The following CNPY3 variants were observed in gnomAD, a reference collection of about 807,000 sequenced individuals.
The protein encoded by CNPY3 is canopy FGF signaling regulator 3, also known as protein canopy homolog 3.
In CNPY3, 20 loss-of-function variants were observed where a neutral mutation model predicts 32.0. That is an observed-to-expected ratio of 0.63 (90% CI 0.44 to 0.91). The LOEUF (loss-of-function observed/expected upper bound fraction) is 0.91. Ranked by LOEUF, CNPY3 falls within the 40% of genes least tolerant of loss-of-function variation. The probability of loss-of-function intolerance (pLI) is 0.00; values close to 1 mark genes in which losing one functional copy is unlikely to be tolerated. For synonymous variants in CNPY3, 138 were observed against 142.9 expected, an observed-to-expected ratio of 0.97 and a Z score of 0.24; for missense variants, 299 against 340.8, an observed-to-expected ratio of 0.88 and a Z score of 0.97.
At chr6:42,938,015 C>T (rs1393746985) in intron 4 of CNPY3, 75 bp from the exon 5 acceptor site, 16 of 1,483,306 alleles carry the variant, frequency 1.1e-5, no homozygotes, top group East Asian at 6.8e-5. Context: ...CAGTGGGTTG[C>T]GAGGCTTAGC....
chr6:42,928,439 T>C (rs1183474769), upstream of CNPY3, among the ~76,000 whole-genome samples: 1 of 152,008 alleles, frequency 6.6e-6, no homozygotes. Flanking sequence ...CCACGGCGCC[T>C]GGCCTTTTTC....
At chr6:42,928,112 C>A (rs746347610), upstream of CNPY3, among the ~76,000 whole-genome samples, 1 of 152,132 alleles carries the variant, frequency 6.6e-6, no homozygotes, top group African/African-American at 2.4e-5. Flanking sequence ...CTCCACCTCC[C>A]GAGTAGCTGG....
chr6:42,930,878 ATTCTT>A (rs1767748601), intron 1 of CNPY3, among the ~76,000 whole-genome samples: 2 of 151,432 alleles, frequency 1.3e-5, no homozygotes, highest in East Asian at 3.9e-4. Context: ...TCCCCCGTAC[ATTCTT>A]TTCTTTTTTT....
Position 42,938,687 on chromosome 6 carries a change from C to T in CNPY3, c.733C>T (p.Gln245Ter). The change falls in exon 6 of 6, where the codon CAA becomes TAA. Residue 245 changes from glutamine (Q) to a stop codon, truncating the protein, a stop_gained. Transcript: ENST00000372836. LOFTEE classifies it high-confidence loss of function. ...AGGCGGCAGGAGTAGCAGCAGCAAA[C>T]AAAGGAAGGAGCTGGGTGGCCTTGA... The part of the protein sequence containing the change: ...AAGGRSSSSK[Q>*]RKELGGLEGD... 1 of 1,613,878 alleles carries T rather than the reference C, an allele frequency of 6.2e-7. No homozygotes were observed. The highest frequency in any genetic ancestry group is 8.5e-7 in the Non-Finnish European group (1 of 1,179,902).
At position 42,929,644 on chromosome 6, in the gene CNPY3, T is replaced by A; in HGVS notation, c.74T>A (p.Leu25Gln). Residue 25 changes from leucine to glutamine, a missense_variant, in exon 1 of 6, where the codon CTG (leucine) becomes CAG (glutamine). Transcript: ENST00000372836. ...TTGCTGCTGCTGCTGCTGCTGCTGC[T>A]GCCGGCCCCGGAGCTGGGCCCGAGC... The part of the protein sequence containing the change: ...LPLLLLLLLL[L>Q]PAPELGPSQA... The A allele has an allele frequency of 6.4e-7, 1 of 1,553,896 alleles. No individual in the cohort carries two copies. The highest frequency in any genetic ancestry group is 8.7e-7 in the Non-Finnish European group (1 of 1,149,746).
rs1270464736 is a variant in CNPY3 at position 42,935,926 on chromosome 6, G to A, written c.372+256G>A. ...CAGGCAGAAATGCTCCACAGTTGCTGCCCCCGTGGGAACCTAAAGACACTA... is the reference window on the plus strand; with the variant it reads ...CAGGCAGAAATGCTCCACAGTTGCTACCCCCGTGGGAACCTAAAGACACTA... On this transcript the variant is annotated intron_variant, in intron 3 of 5. Coordinates refer to ENST00000372836, the MANE Select transcript of CNPY3 (RefSeq NM_006586.5). Among the ~76,000 whole-genome samples, 75 of 151,110 alleles carry A rather than the reference G, an allele frequency of 5.0e-4. 1 individual carries two copies. The highest frequency in any genetic ancestry group is 2.9e-5 in the Non-Finnish European group (2 of 68,010).
chr6:42,938,238 T>C, intron 5 of CNPY3, 31 bp downstream of exon 5: 1 of 1,537,856 alleles, frequency 6.5e-7, no homozygotes, highest in Admixed American at 1.7e-5. Context: ...GCAGGCTGGC[T>C]CTGGATGATT....
chr6:42,929,333 G>C, upstream of CNPY3: 3 of 548,818 alleles, frequency 5.5e-6, no homozygotes, highest in South Asian at 7.5e-5. Context: ...TAAAAAGATA[G>C]TCTTCCCATT....
Position 42,929,513 on chromosome 6 carries a change from G to A in CNPY3, c.-58G>A, listed in dbSNP as rs1767592585. The A allele has an allele frequency of 1.3e-6, 2 of 1,489,520 alleles. No homozygotes were observed. The highest frequency in any genetic ancestry group is 1.4e-5 in the African/African-American group (1 of 72,334). 92.3% of individuals were successfully genotyped at this position (1,489,520 alleles called of 1,614,324 possible). A position where few individuals can be genotyped will look rare whatever the true frequency, so the allele number is the denominator to read the frequency against. On this transcript the variant is annotated 5_prime_UTR_variant, in exon 1 of 6. Coordinates refer to ENST00000372836, the MANE Select transcript of CNPY3 (RefSeq NM_006586.5). ...GGAAGCGGCGAGGGGAAACTGCTCC[G>A]CGCGCGCCGCGGGAGGAGGAACCGC...
Position 42,934,492 on chromosome 6 carries a change from G to A in CNPY3, c.169G>A (p.Val57Met). The A allele has an allele frequency of 1.9e-6, 3 of 1,614,088 alleles. No individual in the cohort carries two copies. The highest frequency in any genetic ancestry group is 2.5e-6 in the Non-Finnish European group (3 of 1,179,986). The change falls in exon 2 of 6, where the codon GTG (valine) becomes ATG (methionine). Residue 57 changes from valine (V) to methionine (M), a missense_variant. By Grantham distance (21) the Val-to-Met change is conservative. This residue lies in a region of CNPY3 where 211 missense variants were observed against 278.3 expected (regional missense o/e 0.76). Transcript: ENST00000372836. ...TCCCCCAGTGTGTAAATATGTTGCT[G>A]TGGAGCTGAAGTCAGCCTTTGAGGA... ...SKCEVCKYVAVELKSAFEETG... is the reference protein window; with the variant it reads ...SKCEVCKYVAMELKSAFEETG...
chr6:42,937,118 T>C (rs908370377), intron 3 of CNPY3, among the ~76,000 whole-genome samples: 10 of 152,012 alleles, frequency 6.6e-5, no homozygotes, highest in African/African-American at 2.2e-4. Context: ...CTGGATGATA[T>C]GGGAGTGTTT....
At chr6:42,937,200 G>T (rs1344513065) in intron 3 of CNPY3, among the ~76,000 whole-genome samples, 1 of 152,140 alleles carries the variant, frequency 6.6e-6, no homozygotes, top group Non-Finnish European at 1.5e-5. Context: ...CAAAGGGCCT[G>T]AGGGCAGCCG....
intron 1 of CNPY3, among the ~76,000 whole-genome samples, chr6:42,930,112 GA>G (rs1767686516): frequency 6.6e-6 from 1 of 152,098 alleles, no homozygotes; most frequent in Non-Finnish European, 1.5e-5. Flanking sequence ...CGGATGAAGA[GA>G]AGTGGAAAGA....
intron 2 of CNPY3, 35 bp from the exon 3 acceptor site, chr6:42,935,539 G>A (rs1768156082): frequency 3.8e-6 from 6 of 1,593,720 alleles, no homozygotes; most frequent in Non-Finnish European, 5.2e-6. Context: ...GCGGCTAGGA[G>A]GGGAACTCAG....
upstream of CNPY3, chr6:42,929,210 T>C (rs76992623): frequency 2.1e-5 from 4 of 193,658 alleles, no homozygotes; most frequent in Admixed American, 1.8e-4. Context: ...GCAGGCTTCT[T>C]CTCGGGTCTT....
At position 42,938,759 on chromosome 6, in the gene CNPY3, C is replaced by T. The variant is rs1768408617; in HGVS notation, c.805C>T (p.Pro269Ser). Residue 269 changes from proline (P) to serine (S), a missense_variant, in exon 6 of 6, where the codon CCT becomes TCT. This residue lies in a region of CNPY3 where 211 missense variants were observed against 278.3 expected (regional missense o/e 0.76). Coordinates refer to ENST00000372836, the MANE Select transcript of CNPY3 (RefSeq NM_006586.5). ...GGATGAGGGCATCCAGAAGGCATCC[C>T]CTCTCACACACAGCCCCCCTGATGA... ...EEDEGIQKAS[P>S]LTHSPPDEL 1.9e-6 allele frequency: 3 copies of T among 1,613,210 alleles called. No homozygotes were observed. Among genetic ancestry groups the T allele is most frequent in the South Asian group, 1.1e-5 (1 of 90,950 alleles).
At chr6:42,938,277 A>G (rs1768375056) in intron 5 of CNPY3, 70 bp downstream of exon 5, 1 of 1,224,018 alleles carries the variant, frequency 8.2e-7, no homozygotes, top group Non-Finnish European at 1.2e-6. Flanking sequence ...GGAGGTGGGT[A>G]GGAGGAGAAA....
rs1199276650 is a variant in CNPY3, at chr6:42,937,770, G to A, written c.426G>A (p.Lys142=). The A allele has an allele frequency of 1.2e-6, 2 of 1,614,042 alleles. No individual in the cohort carries two copies. The highest frequency in any genetic ancestry group is 1.7e-6 in the Non-Finnish European group (2 of 1,180,016). The change falls in exon 4 of 6, where the codon AAG becomes AAA. Residue 142 remains lysine (K), a synonymous_variant. Coordinates refer to ENST00000372836, the MANE Select transcript of CNPY3 (RefSeq NM_006586.5). The stretch of plus-strand genomic sequence containing the variant: ...ACAACCTGGTACACAAAGGGGTCAA[G>A]GTGGTGATGGACATCCCCTATGAGC... ...TLHNLVHKGV[K]VVMDIPYELW...
chr6:42,929,332 A>T (rs1767569991), upstream of CNPY3: 6 of 543,132 alleles, frequency 1.1e-5, no homozygotes, highest in Non-Finnish European at 2.0e-5. Flanking sequence ...GTAAAAAGAT[A>T]GTCTTCCCAT....
Sources: allele counts gnomAD v4.1 joint callset (sites outside exome capture counted in the v4.1 genomes callset), GRCh38; gene constraint gnomAD v4.1.1; regional missense constraint gnomAD v4.1.1; transcripts MANE v1.5; gene names NCBI Gene and HGNC (gene_info 2026-07-23, HGNC 2026-07-21).